JPH1: variants seen among roughly 807,000 people sequenced by gnomAD.
JPH1 encodes junctophilin-1.
In JPH1, 12 loss-of-function variants were observed where a neutral mutation model predicts 53.6. That is an observed-to-expected ratio of 0.22 (90% CI 0.14 to 0.36). The LOEUF is 0.36. Ranked by LOEUF, JPH1 falls within the 10% of genes least tolerant of loss-of-function variation. The pLI, the probability that JPH1 is intolerant of heterozygous loss-of-function variation, is 1.00. For synonymous variants in JPH1, 375 were observed against 363.8 expected, an observed-to-expected ratio of 1.03 and a Z score of -0.35; for missense variants, 808 against 905.5, an observed-to-expected ratio of 0.89 and a Z score of 1.38.
At chr8:74,312,464 G>C (rs1009777738) in intron 2 of JPH1, among the ~76,000 whole-genome samples, 1 of 152,234 alleles carries the variant, frequency 6.6e-6, no homozygotes, top group African/African-American at 2.4e-5. Context: ...TGCAGAGATT[G>C]GTCTTGAACT....
At chr8:74,276,029 C>T (rs959118923) in intron 2 of JPH1, among the ~76,000 whole-genome samples, 1 of 152,114 alleles carries the variant, frequency 6.6e-6, no homozygotes, top group African/African-American at 2.4e-5. Flanking sequence ...TAGAAGCACA[C>T]ATATAGCTCA....
intron 2 of JPH1, among the ~76,000 whole-genome samples, chr8:74,307,210 T>C (rs1435159935): frequency 6.6e-6 from 1 of 152,226 alleles, no homozygotes; most frequent in Admixed American, 6.5e-5. Context: ...TTTGTCTTCT[T>C]GGTCTTCTAT....
chr8:74,314,900 G>A lies in JPH1; in HGVS notation c.1100C>T (p.Ala367Val). Residue 367 changes from alanine to valine, a missense_variant, in exon 2 of 6, where the codon GCT becomes GTT. This residue lies in a region of JPH1 where 756 missense variants were observed against 811.9 expected (regional missense o/e 0.93). Transcript: ENST00000342232. The stretch of plus-strand genomic sequence containing the variant: ...TTCCACTTTGGTTCTGGCCATGGCA[G>A]CTGCCCTTTGGGCGCCTTCAATTGC... ...DRAIEGAQRA[A>V]AMARTKVEIA... The A allele has an allele frequency of 6.2e-7, 1 of 1,614,206 alleles. No individual in the cohort carries two copies. The highest frequency in any genetic ancestry group is 1.6e-4 in the Middle Eastern group (1 of 6,062).
At chr8:74,273,361 T>TG (rs1293239228) in intron 2 of JPH1, among the ~76,000 whole-genome samples, 1 of 152,204 alleles carries the variant, frequency 6.6e-6, no homozygotes, top group East Asian at 1.9e-4. Context: ...TGTTTTCATT[T>TG]GGGGCACATA....
chr8:74,242,825 G>A (rs1805736229), intron 4 of JPH1, among the ~76,000 whole-genome samples: 1 of 152,228 alleles, frequency 6.6e-6, no homozygotes, highest in African/African-American at 2.4e-5. Context: ...GATGGAGGAT[G>A]CTTGTCTAAC....
rs529631955 is a variant in JPH1 at position 74,291,920 on chromosome 8, G to T, written c.1139+22941C>A. Reference sequence around the variant, plus strand: ...AAACCATCATTCTCAGCAAACTATCGCAAGGACAGAAAACCAAACACCACA... The same window carrying T: ...AAACCATCATTCTCAGCAAACTATCTCAAGGACAGAAAACCAAACACCACA... On this transcript the variant is annotated intron_variant, in intron 2 of 5. Transcript: ENST00000342232. 9.7e-4 allele frequency among the ~76,000 whole-genome samples: 148 copies of T among 152,244 alleles called. 2 individuals are homozygous for T. Among genetic ancestry groups the T allele is most frequent in the Non-Finnish European group, 1.8e-4 (12 of 68,030 alleles).
chr8:74,281,888 C>A (rs1807025729), intron 2 of JPH1, among the ~76,000 whole-genome samples: 1 of 152,186 alleles, frequency 6.6e-6, no homozygotes, highest in South Asian at 2.1e-4. Flanking sequence ...CCACCTTTGA[C>A]ATTATAACAG....
At position 74,315,682 on chromosome 8, in the gene JPH1, A is replaced by G. The variant is rs1056380658; in HGVS notation, c.380-62T>C. On this transcript the variant is annotated intron_variant, in intron 1 of 5. Transcript: ENST00000342232. The surrounding 1 kb of genome is among the most constrained non-coding windows in gnomAD (Gnocchi z 6.3). ...GCAGAGCTGCACCGTCACCTGCACC[A>G]TCCAGCGCACACTGGCGCAGGCCTG... The G allele has an allele frequency of 6.8e-7, 1 of 1,480,974 alleles. No individual in the cohort carries two copies. The highest frequency in any genetic ancestry group is 9.0e-7 in the Non-Finnish European group (1 of 1,108,438). The allele number at this position is 1,480,974 out of a possible 1,614,324, so 91.7% of individuals were successfully genotyped here. A position where few individuals can be genotyped will look rare whatever the true frequency, so the allele number is the denominator to read the frequency against.
At chr8:74,297,922 C>T (rs1257299848) in intron 2 of JPH1, among the ~76,000 whole-genome samples, 1 of 152,088 alleles carries the variant, frequency 6.6e-6, no homozygotes, top group Admixed American at 6.5e-5. Flanking sequence ...ACATTTATAA[C>T]AACAATTGAA....
At chr8:74,306,602 A>T (rs1009594267) in intron 2 of JPH1, among the ~76,000 whole-genome samples, 12 of 135,146 alleles carry the variant, frequency 8.9e-5, no homozygotes, top group African/African-American at 3.6e-4. Flanking sequence ...GATCTACACT[A>T]ACTTTTTTTT....
chr8:74,301,458 A>G (rs1807678590), intron 2 of JPH1, among the ~76,000 whole-genome samples: 1 of 152,226 alleles, frequency 6.6e-6, no homozygotes, highest in Non-Finnish European at 1.5e-5. Flanking sequence ...AGAAACATTA[A>G]TTCAGTACTG....
intron 2 of JPH1, among the ~76,000 whole-genome samples, chr8:74,290,007 T>C (rs981577237): frequency 6.6e-6 from 1 of 152,172 alleles, no homozygotes; most frequent in Non-Finnish European, 1.5e-5. Flanking sequence ...TCGATGTTCA[T>C]CAGGGATATT....
At chr8:74,302,305 T>C (rs964464383) in intron 2 of JPH1, among the ~76,000 whole-genome samples, 1 of 152,182 alleles carries the variant, frequency 6.6e-6, no homozygotes, top group African/African-American at 2.4e-5. Flanking sequence ...TGCCAAAACA[T>C]TCATTTACTG....
intron 4 of JPH1, among the ~76,000 whole-genome samples, chr8:74,239,984 T>C (rs992296746): frequency 1.3e-5 from 2 of 152,190 alleles, no homozygotes; most frequent in African/African-American, 2.4e-5. Flanking sequence ...AGTTATTTTA[T>C]TTTTTGAGGT....
chr8:74,276,977 G>C (rs1355544622), intron 2 of JPH1, among the ~76,000 whole-genome samples: 1 of 152,160 alleles, frequency 6.6e-6, no homozygotes, highest in African/African-American at 2.4e-5. Context: ...TGTAACAAGT[G>C]ATTGTTAGCT....
At chr8:74,251,632 A>T (rs1009896773) in intron 3 of JPH1, among the ~76,000 whole-genome samples, 67 of 152,082 alleles carry the variant, frequency 4.4e-4, no homozygotes, top group Non-Finnish European at 7.9e-4. Flanking sequence ...TTTATTTAAA[A>T]TTTTTTTGAT....
chr8:74,316,714 T>C (rs1808170072), intron 1 of JPH1, among the ~76,000 whole-genome samples: 1 of 152,236 alleles, frequency 6.6e-6, no homozygotes, highest in Non-Finnish European at 1.5e-5. Context: ...TTTTTCATGA[T>C]AGTCTGTCAT....
At chr8:74,296,868 A>T (rs1807536403) in intron 2 of JPH1, among the ~76,000 whole-genome samples, 1 of 152,214 alleles carries the variant, frequency 6.6e-6, no homozygotes, top group African/African-American at 2.4e-5. Flanking sequence ...CTTAACCTCC[A>T]TGGCTTGAAA....
In JPH1 at chr8:74,315,406, G is replaced by C; in HGVS notation, c.594C>G (p.His198Gln). Residue 198 changes from histidine to glutamine, a missense_variant, in exon 2 of 6, where the codon CAC becomes CAG. By Grantham distance (24) the His-to-Gln change is conservative. Transcript: ENST00000342232. The surrounding 1 kb of genome is among the most constrained non-coding windows in gnomAD (Gnocchi z 6.3). ...TCTTGCCCGCTAGCTCAGCGTCTGC[G>C]TGGAAGTTGAGCACGAAACCGCCGC... is the stretch of plus-strand genomic sequence containing the variant. ...GTRGGFVLNF[H>Q]ADAELAGKKK... 6.2e-7 allele frequency: 1 copy of C among 1,612,438 alleles called. No individual in the cohort carries two copies. The highest frequency in any genetic ancestry group is 8.5e-7 in the Non-Finnish European group (1 of 1,179,926).
Sources: gnomAD v4.1 joint callset for allele counts (sites outside exome capture counted in the v4.1 genomes callset) on GRCh38, gnomAD v4.1.1 for gene constraint, gnomAD v4.1.1 regional missense constraint, Gnocchi (gnomAD v3.1) non-coding constraint, MANE v1.5 for transcripts, NCBI Gene and HGNC (gene_info 2026-07-23, HGNC 2026-07-21) for gene names.